The following KIF6 variants were observed in gnomAD, a reference collection of about 807,000 sequenced individuals.
KIF6 encodes kinesin-like protein KIF6.
A neutral mutation model predicts 112.7 loss-of-function variants in KIF6; 106 were observed. That is an observed-to-expected ratio of 0.94 (90% CI 0.80 to 1.11). The LOEUF is 1.11. Among genes scored for constraint, KIF6 ranks in the 50% least tolerant of loss-of-function variants. The pLI is 0.00. For synonymous variants in KIF6, 339 were observed against 339.9 expected (o/e 1.00, Z 0.03); for missense variants, 929 against 964.0 (o/e 0.96, Z 0.48).
intron 5 of KIF6, among the ~76,000 whole-genome samples, chr6:39,615,550 A>T (rs1783475695): frequency 6.8e-6 from 1 of 146,742 alleles, no homozygotes; most frequent in African/African-American, 2.5e-5. Flanking sequence ...ATCCTAAGAG[A>T]TTCTGATTTG....
chr6:39,343,187 C>A lies in KIF6; in HGVS notation c.2428+522G>T. The A allele has an allele frequency of 8.3e-7, 1 of 1,209,420 alleles. No individual in the cohort carries two copies. The highest frequency in any genetic ancestry group is 1.0e-6 in the Non-Finnish European group (1 of 952,800). The allele number at this position is 1,209,420 out of a possible 1,614,324, so 74.9% of individuals were successfully genotyped here. The stretch of plus-strand genomic sequence containing the variant: ...AGTGATGCAGACCAAGAAGAGCCTT[C>A]TTCTCTTCCTGTTGTCTGACACGCC... On this transcript the variant is annotated intron_variant, in intron 22 of 22. Coordinates refer to ENST00000287152, the MANE Select transcript of KIF6 (RefSeq NM_145027.6). This position sits in a 1 kb window ranked among gnomAD's most constrained non-coding sequence, Gnocchi z 4.1.
At chr6:39,525,557 C>T (rs536552489) in intron 13 of KIF6, among the ~76,000 whole-genome samples, 104 of 152,174 alleles carry the variant, frequency 6.8e-4, no homozygotes, top group Non-Finnish European at 1.2e-3. Context: ...GAGTTCGAGA[C>T]CAGCCTGGCC....
intron 13 of KIF6, among the ~76,000 whole-genome samples, chr6:39,437,249 A>C (rs1417513552): frequency 6.6e-6 from 1 of 152,226 alleles, no homozygotes; most frequent in Non-Finnish European, 1.5e-5. Context: ...TTCATTTATC[A>C]AATCTAGCAA....
intron 13 of KIF6, among the ~76,000 whole-genome samples, chr6:39,507,690 ACCTT>A (rs1440892442): frequency 0.046 from 1,640 of 35,954 alleles, 43 homozygotes; most frequent in Middle Eastern, 0.23. Context: ...CTTCCTTCCT[ACCTT>A]CCTTCCTTCC....
chr6:39,379,748 G>A (rs1475958472), intron 16 of KIF6, among the ~76,000 whole-genome samples: 1 of 152,206 alleles, frequency 6.6e-6, no homozygotes, highest in East Asian at 1.9e-4. Context: ...GAAACTCTTT[G>A]AGGGCAGGCA....
chr6:39,483,075 A>C (rs187726077), intron 13 of KIF6, among the ~76,000 whole-genome samples: 4 of 152,318 alleles, frequency 2.6e-5, no homozygotes, highest in South Asian at 4.1e-4. Flanking sequence ...TCATTTCAGT[A>C]AAGAGTTTTT....
intron 3 of KIF6, among the ~76,000 whole-genome samples, chr6:39,643,334 C>T (rs1168092436): frequency 6.6e-6 from 1 of 152,054 alleles, no homozygotes; most frequent in Non-Finnish European, 1.5e-5. Context: ...AAAATTTATA[C>T]AGAAAGTCAA....
intron 16 of KIF6, among the ~76,000 whole-genome samples, chr6:39,370,731 G>A (rs768398093): frequency 6.6e-6 from 1 of 152,168 alleles, no homozygotes; most frequent in Non-Finnish European, 1.5e-5. Flanking sequence ...TGGTGTGTGT[G>A]GAGATGCTTC....
At position 39,720,807 on chromosome 6, in the gene KIF6, T is replaced by TA; in HGVS notation, c.70dup (p.Tyr24LeufsTer5). 1 of 1,447,512 alleles carries TA rather than the reference T, an allele frequency of 6.9e-7. No individual in the cohort carries two copies. Among genetic ancestry groups the TA allele is most frequent in the Non-Finnish European group, 9.7e-7 (1 of 1,028,380 alleles). 89.7% of individuals were successfully genotyped at this position (1,447,512 alleles called of 1,614,324 possible). On this transcript the variant is annotated frameshift_variant, in exon 2 of 23. Coordinates refer to ENST00000287152, the MANE Select transcript of KIF6 (RefSeq NM_145027.6). LOFTEE classifies it high-confidence loss of function. The stretch of plus-strand genomic sequence containing the variant: ...TAATTTTTCATCTTCATCTATGGAA[T>TA]AAATCTGCAAATGTGAAGACAACAA...
At chr6:39,574,897 C>T (rs895042490) in intron 10 of KIF6, among the ~76,000 whole-genome samples, 9 of 152,142 alleles carry the variant, frequency 5.9e-5, no homozygotes, top group Non-Finnish European at 1.3e-4. Flanking sequence ...CACCAATCTG[C>T]CCCTCGGTTT....
chr6:39,599,595 A>G (rs11753555), intron 6 of KIF6, among the ~76,000 whole-genome samples: 3,290 of 152,352 alleles, frequency 0.022, 59 homozygotes, highest in Non-Finnish European at 0.032. Context: ...ATAACTGTGC[A>G]TGTAAAACCG....
chr6:39,690,938 G>A (rs1284259013), intron 3 of KIF6: 2 of 152,264 alleles, frequency 1.3e-5, no homozygotes, highest in Non-Finnish European at 2.9e-5. Context: ...CAAGGTTGCA[G>A]GCATAAGGGT....
At chr6:39,361,574 A>C (rs995721815) in intron 17 of KIF6, among the ~76,000 whole-genome samples, 6 of 151,652 alleles carry the variant, frequency 4.0e-5, no homozygotes, top group African/African-American at 1.5e-4. Context: ...AAAAAAAAAA[A>C]AAAAAAGCGG....
chr6:39,572,915 T>C (rs936678853), intron 10 of KIF6, among the ~76,000 whole-genome samples: 1 of 151,062 alleles, frequency 6.6e-6, no homozygotes, highest in Non-Finnish European at 1.5e-5. Flanking sequence ...AACAAATATT[T>C]ACATTAAGCA....
At chr6:39,504,356 A>G (rs1776318781) in intron 13 of KIF6, among the ~76,000 whole-genome samples, 1 of 152,112 alleles carries the variant, frequency 6.6e-6, no homozygotes, top group South Asian at 2.1e-4. Flanking sequence ...CCTCAAAATA[A>G]TAAGAGCCAT....
chr6:39,682,173 A>C (rs554248329), intron 3 of KIF6, among the ~76,000 whole-genome samples: 3 of 152,246 alleles, frequency 2.0e-5, no homozygotes, highest in African/African-American at 4.8e-5. Flanking sequence ...ATCAGAAAGC[A>C]TAAGTACTGT....
intron 12 of KIF6, among the ~76,000 whole-genome samples, chr6:39,540,477 TAAC>T (rs1778726922): frequency 1.3e-5 from 2 of 152,230 alleles, no homozygotes; most frequent in South Asian, 4.1e-4. Context: ...AGGTACATCT[TAAC>T]AATCTTATGA....
At chr6:39,561,202 A>C (rs1779988159) in intron 10 of KIF6, among the ~76,000 whole-genome samples, 1 of 152,238 alleles carries the variant, frequency 6.6e-6, no homozygotes, top group African/African-American at 2.4e-5. Flanking sequence ...GAAATCCTAC[A>C]CTAGTAGAGA....
intron 7 of KIF6, among the ~76,000 whole-genome samples, chr6:39,595,463 G>A (rs892128807): frequency 2.6e-5 from 4 of 152,096 alleles, no homozygotes; most frequent in Non-Finnish European, 5.9e-5. Context: ...CTGTTGTGAC[G>A]TTTCAATAAA....
Sources: allele counts gnomAD v4.1 joint callset (sites outside exome capture counted in the v4.1 genomes callset), GRCh38; gene constraint gnomAD v4.1.1; non-coding constraint Gnocchi (gnomAD v3.1); transcripts MANE v1.5; gene names NCBI Gene and HGNC (gene_info 2026-07-23, HGNC 2026-07-21).